FREM1: variants seen among roughly 807,000 people sequenced by gnomAD.
FREM1 encodes the protein FRAS1 related extracellular matrix 1.
A neutral mutation model predicts 210.1 loss-of-function variants in FREM1; 220 were observed. That is an observed-to-expected ratio of 1.05 (90% CI 0.94 to 1.17). FREM1 has a LOEUF of 1.17. FREM1 is among the 50% of genes most tolerant of loss of function. FREM1 has a pLI of 0.00. For synonymous variants in FREM1, 1,189 were observed against 980.2 expected, an observed-to-expected ratio of 1.21 and a Z score of -3.98; for missense variants, 3,454 against 2,675.5, an observed-to-expected ratio of 1.29 and a Z score of -6.42.
At chr9:14,882,431 T>C (rs1834955730) in intron 1 of FREM1, among the ~76,000 whole-genome samples, 1 of 151,556 alleles carries the variant, frequency 6.6e-6, no homozygotes, top group South Asian at 2.1e-4. Context: ...TGGATTCTAA[T>C]CCCGATTATT....
At chr9:14,877,705 AC>A (rs1016609141) in intron 1 of FREM1, among the ~76,000 whole-genome samples, 1 of 152,130 alleles carries the variant, frequency 6.6e-6, no homozygotes, top group African/African-American at 2.4e-5. Flanking sequence ...AATCCTGCCA[AC>A]ACCCTGAATG....
chr9:14,742,355 T>C (rs1157151190), intron 35 of FREM1, among the ~76,000 whole-genome samples: 2 of 152,148 alleles, frequency 1.3e-5, no homozygotes, highest in Admixed American at 6.6e-5. Context: ...GCTTCATAGA[T>C]AATGCTCTAT....
chr9:14,909,698 A>G (rs1025514054), intron 1 of FREM1, among the ~76,000 whole-genome samples: 19 of 152,268 alleles, frequency 1.2e-4, no homozygotes, highest in Admixed American at 3.3e-4. Flanking sequence ...TGTGTCACGT[A>G]ATAAAAAGAA....
At chr9:14,857,519 C>A (rs372665589) in intron 5 of FREM1, 34 bp downstream of exon 5, 2 of 1,552,902 alleles carry the variant, frequency 1.3e-6, no homozygotes, top group Non-Finnish European at 1.8e-6. Flanking sequence ...TACTGTGAAT[C>A]CTGGGGGCAC....
intron 24 of FREM1, among the ~76,000 whole-genome samples, chr9:14,783,128 C>T (rs947167072): frequency 2.6e-5 from 4 of 152,192 alleles, no homozygotes; most frequent in South Asian, 4.1e-4. Context: ...ATAAGATATT[C>T]GTTCCAGCTT....
rs62537684 is a variant in FREM1, at chr9:14,866,282, A to G, written c.235-2379T>C. On this transcript the variant is annotated intron_variant, in intron 2 of 36. Coordinates refer to ENST00000380880, the MANE Select transcript of FREM1 (RefSeq NM_001379081.2). ...ATTCCAATCCTTGATTCTTGTGAACAAATGTTTTTTACCTAGTTCTAGTCA... is the reference window on the plus strand; with the variant it reads ...ATTCCAATCCTTGATTCTTGTGAACGAATGTTTTTTACCTAGTTCTAGTCA... Among the ~76,000 whole-genome samples the G allele has an allele frequency of 3.2e-3, 488 of 152,316 alleles. 3 individuals are homozygous for G. Among genetic ancestry groups the G allele is most frequent in the Middle Eastern group, 6.8e-3 (2 of 294 alleles).
intron 24 of FREM1, among the ~76,000 whole-genome samples, chr9:14,783,807 A>G (rs1456031698): frequency 2.0e-5 from 3 of 152,228 alleles, no homozygotes; most frequent in African/African-American, 7.2e-5. Flanking sequence ...CAATTACAAC[A>G]TTGTTTCTAT....
At chr9:14,891,852 T>G (rs1836875036) in intron 1 of FREM1, among the ~76,000 whole-genome samples, 1 of 152,162 alleles carries the variant, frequency 6.6e-6, no homozygotes. Context: ...AGGGGCACTG[T>G]GCAAGAAAAA....
At chr9:14,762,755 A>ATTTTTT (rs34136678) in intron 27 of FREM1, among the ~76,000 whole-genome samples, 18 of 137,902 alleles carry the variant, frequency 1.3e-4, no homozygotes, top group East Asian at 8.5e-4. Context: ...TTTGAATGTG[A>ATTTTTT]TTTTTTTTTT....
chr9:14,754,818 CA>C (rs1300291495), intron 29 of FREM1, among the ~76,000 whole-genome samples: 1 of 152,126 alleles, frequency 6.6e-6, no homozygotes, highest in Non-Finnish European at 1.5e-5. Flanking sequence ...CCTGTAGTCC[CA>C]GCTACTTGGG....
rs7867662 is a variant in FREM1 at position 14,876,383 on chromosome 9, C to T, written c.-267-7139G>A. Among the ~76,000 whole-genome samples, 496 of 152,040 alleles carry T rather than the reference C, an allele frequency of 3.3e-3. 4 individuals carry two copies. Among genetic ancestry groups the T allele is most frequent in the African/African-American group, 0.011 (451 of 41,506 alleles). ...TTACCTAAGCAAGCCTGGGCAATGG[C>T]GGGCGCCCCTCCCCCAGCCTCGCTG... On this transcript the variant is annotated intron_variant, in intron 1 of 36. Transcript: ENST00000380880.
chr9:14,799,458 T>G (rs1457348219), intron 20 of FREM1, among the ~76,000 whole-genome samples: 1 of 152,148 alleles, frequency 6.6e-6, no homozygotes, highest in Non-Finnish European at 1.5e-5. Flanking sequence ...TCTGAGAAAG[T>G]CTCCAAAATA....
intron 24 of FREM1, among the ~76,000 whole-genome samples, chr9:14,781,582 A>G (rs7867923): frequency 0.03 from 4,505 of 152,250 alleles, 204 homozygotes; most frequent in African/African-American, 0.1. Context: ...TGGTATTTAT[A>G]GTACTGTTTT....
chr9:14,776,281 C>T, intron 24 of FREM1, 78 bp from the exon 25 acceptor site: 1 of 1,423,478 alleles, frequency 7.0e-7, no homozygotes, highest in East Asian at 2.4e-5. Context: ...TAACAATACA[C>T]ACCTTTACTA....
intron 1 of FREM1, among the ~76,000 whole-genome samples, chr9:14,885,627 G>A (rs934411533): frequency 6.6e-6 from 1 of 152,082 alleles, no homozygotes; most frequent in East Asian, 1.9e-4. Flanking sequence ...TCACAATGTT[G>A]CCCAGGCTGG....
At chr9:14,898,198 G>A (rs1239062754) in intron 1 of FREM1, among the ~76,000 whole-genome samples, 3 of 152,048 alleles carry the variant, frequency 2.0e-5, no homozygotes, top group East Asian at 1.9e-4. Flanking sequence ...TCTTCCTTGG[G>A]CTCTGTTTCC....
At chr9:14,775,419 T>C (rs1222196412) in intron 25 of FREM1, among the ~76,000 whole-genome samples, 1 of 152,088 alleles carries the variant, frequency 6.6e-6, no homozygotes, top group Non-Finnish European at 1.5e-5. Flanking sequence ...TAAAAAATAG[T>C]TCTTGGCCAG....
At chr9:14,743,761 C>G (rs1425153080) in intron 35 of FREM1, among the ~76,000 whole-genome samples, 1 of 152,082 alleles carries the variant, frequency 6.6e-6, no homozygotes, top group African/African-American at 2.4e-5. Flanking sequence ...TATAACTACT[C>G]TTTCCCTTAA....
chr9:14,775,767 G>T, intron 25 of FREM1, 22 bp downstream of exon 25: 51 of 1,156,632 alleles, frequency 4.4e-5, no homozygotes, highest in Non-Finnish European at 6.0e-5. Context: ...TCTGGCAAAT[G>T]AACTGTGTTT....
Sources: gnomAD v4.1 joint callset for allele counts (sites outside exome capture counted in the v4.1 genomes callset) on GRCh38, gnomAD v4.1.1 for gene constraint, MANE v1.5 for transcripts, NCBI Gene and HGNC (gene_info 2026-07-23, HGNC 2026-07-21) for gene names.